TP53BP1: variants seen among roughly 807,000 people sequenced by gnomAD.
TP53BP1 encodes tumor protein p53 binding protein 1, also known as TP53-binding protein 1.
TP53BP1 carries 61 observed loss-of-function variants against 200.8 expected under a neutral mutation model. The observed-to-expected ratio is 0.30, with a 90% confidence interval of 0.25 to 0.38. TP53BP1 has a LOEUF of 0.38. TP53BP1 is among the 10% of genes least tolerant of loss of function. The pLI is 1.00. For synonymous variants in TP53BP1, 822 were observed against 844.3 expected (o/e 0.97, Z 0.46); for missense variants, 2,144 against 2,371.9 (o/e 0.90, Z 2.00).
intron 4 of TP53BP1, among the ~76,000 whole-genome samples, chr15:43,481,388 A>G (rs368190505): frequency 2.3e-4 from 35 of 152,106 alleles, no homozygotes; most frequent in East Asian, 7.7e-4. Flanking sequence ...TTAGTAAAAA[A>G]TCTTAAAATA....
At chr15:43,472,270 G>C (rs2046745029) in intron 10 of TP53BP1, among the ~76,000 whole-genome samples, 1 of 152,184 alleles carries the variant, frequency 6.6e-6, no homozygotes, top group South Asian at 2.1e-4. Context: ...AAAAACCACA[G>C]AAATGCCCTT....
At chr15:43,449,873 A>G (rs1566940865) in intron 12 of TP53BP1, among the ~76,000 whole-genome samples, 2 of 152,176 alleles carry the variant, frequency 1.3e-5, no homozygotes, top group Admixed American at 6.5e-5. Context: ...CTTCTATTCA[A>G]TGTCCTCCAA....
chr15:43,486,070 AAAAC>A (rs1392113988), intron 4 of TP53BP1, among the ~76,000 whole-genome samples: 1 of 152,076 alleles, frequency 6.6e-6, no homozygotes, highest in African/African-American at 2.4e-5. Flanking sequence ...TGAGAGGGTG[AAAAC>A]AAACAAAAAA....
chr15:43,464,636 G>T (rs898724572), intron 11 of TP53BP1, among the ~76,000 whole-genome samples: 1 of 152,142 alleles, frequency 6.6e-6, no homozygotes, highest in Non-Finnish European at 1.5e-5. Context: ...AGGCGTGGTG[G>T]CTCATGCCTG....
intron 12 of TP53BP1, among the ~76,000 whole-genome samples, chr15:43,451,158 A>G (rs997467567): frequency 6.6e-6 from 1 of 152,076 alleles, no homozygotes; most frequent in African/African-American, 2.4e-5. Context: ...GTCTTTTCAG[A>G]CTGAAGAACC....
At chr15:43,467,733 G>A (rs1382721513) in intron 11 of TP53BP1, among the ~76,000 whole-genome samples, 3 of 151,370 alleles carry the variant, frequency 2.0e-5, no homozygotes, top group African/African-American at 7.3e-5. Context: ...TTAAATCAGT[G>A]TTGGAAGAAT....
In TP53BP1 at chr15:43,457,102, T is replaced by C; in HGVS notation, c.1506A>G (p.Pro502=). The C allele has an allele frequency of 6.2e-7, 1 of 1,614,212 alleles. No homozygotes were observed. The change falls in exon 12 of 28, where the codon CCA becomes CCG. Residue 502 remains proline, a synonymous_variant. Coordinates refer to ENST00000382044, the MANE Select transcript of TP53BP1 (RefSeq NM_001141980.3). The stretch of plus-strand genomic sequence containing the variant: ...GCCCAAGATCCTCAGGGGAATTCTT[T>C]GGTTCAATCTCTGAAGTTTTAGAAC... The part of the protein sequence containing the change: ...VECSKTSEIE[P]KNSPEDLGLS...
At chr15:43,449,417 C>T (rs1031387205) in intron 12 of TP53BP1, among the ~76,000 whole-genome samples, 2 of 152,206 alleles carry the variant, frequency 1.3e-5, no homozygotes, top group Non-Finnish European at 2.9e-5. Flanking sequence ...TACTATATTA[C>T]GCAAATGCAA....
chr15:43,447,540 A>C (rs1001476534), intron 12 of TP53BP1, 55 bp from the exon 13 acceptor site: 94 of 1,405,912 alleles, frequency 6.7e-5, no homozygotes, highest in Non-Finnish European at 8.2e-5. Context: ...TTTAAAAAAA[A>C]CAGAAGTATA....
At chr15:43,464,723 G>A (rs1373198920) in intron 11 of TP53BP1, among the ~76,000 whole-genome samples, 1 of 151,846 alleles carries the variant, frequency 6.6e-6, no homozygotes, top group Admixed American at 6.6e-5. Flanking sequence ...GACCAACATG[G>A]AGAAACCCCG....
At chr15:43,485,368 G>T (rs1000551955) in intron 4 of TP53BP1, among the ~76,000 whole-genome samples, 32 of 151,462 alleles carry the variant, frequency 2.1e-4, no homozygotes, top group African/African-American at 7.5e-4. Flanking sequence ...ACGAGGTCAG[G>T]AGATCAAGAC....
At chr15:43,472,100 G>C (rs922651051) in intron 10 of TP53BP1, among the ~76,000 whole-genome samples, 1 of 152,224 alleles carries the variant, frequency 6.6e-6, no homozygotes, top group Non-Finnish European at 1.5e-5. Context: ...GCATATACAT[G>C]ACAGATGAAG....
intron 16 of TP53BP1, among the ~76,000 whole-genome samples, chr15:43,436,155 C>A (rs1297239419): frequency 1.3e-5 from 2 of 152,042 alleles, no homozygotes; most frequent in Non-Finnish European, 2.9e-5. Context: ...CCACACCTGG[C>A]TAATTTTGTA....
At chr15:43,509,351 G>GTGGAC (rs1234953021) in intron 1 of TP53BP1, among the ~76,000 whole-genome samples, 4 of 152,274 alleles carry the variant, frequency 2.6e-5, no homozygotes, top group South Asian at 2.1e-4. Flanking sequence ...TGGTTGCAGA[G>GTGGAC]TGGACTGGCT....
rs1411281628 is a variant in TP53BP1 at position 43,487,798 on chromosome 15, A to AG, written c.371+3870dup. Among the ~76,000 whole-genome samples, 7 of 149,122 alleles carry AG rather than the reference A, an allele frequency of 4.7e-5. No homozygotes were observed. The East Asian group carries it at 1.2e-3, about 25-fold the overall frequency. The stretch of plus-strand genomic sequence containing the variant: ...GACTCCATCTCAAAAAAAAAAAAAA[A>AG]GAAAAGAAAAACCTGTTCATAAATG... On this transcript the variant is annotated intron_variant, in intron 4 of 27. Coordinates refer to ENST00000382044, the MANE Select transcript of TP53BP1 (RefSeq NM_001141980.3).
At chr15:43,415,223 T>TG in intron 23 of TP53BP1, 1 of 203,470 alleles carries the variant, frequency 4.9e-6, no homozygotes, top group South Asian at 7.9e-5. Context: ...TTTTTTTTTC[T>TG]GGAGACCAAG....
intron 14 of TP53BP1, among the ~76,000 whole-genome samples, chr15:43,444,298 G>T (rs1219787602): frequency 6.6e-6 from 1 of 152,102 alleles, no homozygotes; most frequent in Non-Finnish European, 1.5e-5. Context: ...TTTGAGATGA[G>T]ATGTCACTAT....
chr15:43,503,773 G>A (rs1310421071), intron 1 of TP53BP1, among the ~76,000 whole-genome samples: 1 of 151,886 alleles, frequency 6.6e-6, no homozygotes, highest in Non-Finnish European at 1.5e-5. Flanking sequence ...ATTCTTCTTT[G>A]CAGTGTTTTA....
chr15:43,429,887 G>C (rs1483604068), intron 17 of TP53BP1, among the ~76,000 whole-genome samples: 1 of 152,164 alleles, frequency 6.6e-6, no homozygotes, highest in African/African-American at 2.4e-5. Context: ...CCGCACTAAA[G>C]AGAAAGTCAG....
Sources: allele counts gnomAD v4.1 joint callset (sites outside exome capture counted in the v4.1 genomes callset), GRCh38; gene constraint gnomAD v4.1.1; transcripts MANE v1.5; gene names NCBI Gene and HGNC (gene_info 2026-07-23, HGNC 2026-07-21).